TG: variants seen among roughly 807,000 people sequenced by gnomAD.
The protein encoded by TG is thyroid hormones.
Under a neutral mutation model 324.7 loss-of-function variants are expected in TG, and 270 were observed. That is an observed-to-expected ratio of 0.83 (90% CI 0.75 to 0.92). The LOEUF (loss-of-function observed/expected upper bound fraction) is 0.92. Ranked by LOEUF, TG falls within the 40% of genes least tolerant of loss-of-function variation. TG has a pLI of 0.00. For missense variants in TG, 3,591 were observed against 3,456.4 expected (o/e 1.04, Z -0.98); for synonymous variants, 1,401 against 1,327.0 (o/e 1.06, Z -1.21).
rs537017397 is a variant in TG, at chr8:133,128,067, TCTATCACTTGATAGATACCTAC to T, written c.7863-3739_7863-3718del. 4.6e-3 allele frequency among the ~76,000 whole-genome samples: 701 copies of T among 152,272 alleles called. 4 individuals carry two copies. The highest frequency in any genetic ancestry group is 8.3e-3 in the Admixed American group (127 of 15,304). On this transcript the variant is annotated intron_variant, in intron 45 of 47. Transcript: ENST00000220616. ...CTTCTTATGGTAGTTGGTAAGTAATTCTATCACTTGATAGATACCTACCTATCTATCGTACAACTCACAACAT... is the reference window on the plus strand; with the variant it reads ...CTTCTTATGGTAGTTGGTAAGTAATTCTATCTATCGTACAACTCACAACAT...
chr8:132,981,616 A>T (rs569064765), intron 34 of TG, among the ~76,000 whole-genome samples: 30 of 152,316 alleles, frequency 2.0e-4, no homozygotes, highest in Non-Finnish European at 3.5e-4. Context: ...ACGTGAGATG[A>T]CAGAAGCCTT....
chr8:133,038,578 A>T (rs749594232), intron 41 of TG: 2 of 1,614,020 alleles, frequency 1.2e-6, no homozygotes, highest in African/African-American at 2.7e-5. Context: ...TCTTGCTGCC[A>T]CCATACATCA....
intron 37 of TG, among the ~76,000 whole-genome samples, chr8:133,014,811 G>A (rs1834871401): frequency 1.3e-5 from 2 of 152,202 alleles, no homozygotes; most frequent in South Asian, 4.1e-4. Flanking sequence ...TTGATCGCTA[G>A]GTGATGAGCT....
intron 3 of TG, among the ~76,000 whole-genome samples, chr8:132,870,666 C>A (rs115383812): frequency 0.048 from 7,325 of 151,934 alleles, 431 homozygotes; most frequent in African/African-American, 0.14. Flanking sequence ...CAGGCTGTGC[C>A]GAAGCATGCC....
At chr8:133,074,715 G>T (rs1844603101) in intron 41 of TG, 1 of 299,220 alleles carries the variant, frequency 3.3e-6, no homozygotes, top group Non-Finnish European at 4.9e-6. Context: ...TTGGGGGCTG[G>T]GCTTCTCTCA....
chr8:132,895,909 C>A (rs965715397), intron 11 of TG, among the ~76,000 whole-genome samples: 1 of 152,226 alleles, frequency 6.6e-6, no homozygotes, highest in Non-Finnish European at 1.5e-5. Flanking sequence ...CTCCAAGTAG[C>A]CACATGCTCC....
At chr8:132,975,512 C>A (rs987504315) in intron 34 of TG, among the ~76,000 whole-genome samples, 1 of 152,134 alleles carries the variant, frequency 6.6e-6, no homozygotes, top group Admixed American at 6.5e-5. Flanking sequence ...GGACTCGACT[C>A]AGGAGTTTTG....
chr8:133,090,428 G>A (rs1407985141), intron 41 of TG, among the ~76,000 whole-genome samples: 1 of 152,158 alleles, frequency 6.6e-6, no homozygotes, highest in Admixed American at 6.5e-5. Context: ...TCAAGAGAGT[G>A]AGCAAAAAAG....
chr8:132,938,554 T>C (rs2129830457), intron 25 of TG, among the ~76,000 whole-genome samples: 1 of 152,332 alleles, frequency 6.6e-6, no homozygotes, highest in Middle Eastern at 3.4e-3. Context: ...TAAGCACTTT[T>C]GTAGGCACTG....
In TG at chr8:132,917,654, G is replaced by A. The variant is rs563177179; in HGVS notation, c.4379-1722G>A. ...GACCATGGAAGGATTTTAAGCTGGA[G>A]AGAGAGAGGACCAGGTGCGGGCTTG... On this transcript the variant is annotated intron_variant, in intron 20 of 47. Transcript: ENST00000220616. Among the ~76,000 whole-genome samples, 9 of 152,052 alleles carry A rather than the reference G, an allele frequency of 5.9e-5. 1 individual carries two copies. In the South Asian group the frequency reaches 1.9e-3, roughly 32 times the overall value.
chr8:133,043,457 G>T (rs1348113970), intron 41 of TG, among the ~76,000 whole-genome samples: 3 of 152,204 alleles, frequency 2.0e-5, no homozygotes, highest in Non-Finnish European at 4.4e-5. Flanking sequence ...TGGCTGCTAA[G>T]TTTTCGGATA....
At chr8:132,982,162 T>G (rs1830944816) in intron 34 of TG, among the ~76,000 whole-genome samples, 2 of 152,230 alleles carry the variant, frequency 1.3e-5, no homozygotes, top group South Asian at 4.1e-4. Flanking sequence ...TGAGAGGCAC[T>G]GTTACTATGC....
At chr8:133,040,163 C>A (rs1419000424) in intron 41 of TG, 1 of 1,564,464 alleles carries the variant, frequency 6.4e-7, no homozygotes. Context: ...GGTCAGGGAC[C>A]CTGGGGACGC....
intron 41 of TG, among the ~76,000 whole-genome samples, chr8:133,044,717 T>A (rs963675984): frequency 6.6e-5 from 10 of 152,306 alleles, no homozygotes; most frequent in Admixed American, 3.3e-4. Context: ...TGGTTGCAGT[T>A]GTGAATTTAG....
At chr8:133,112,759 C>T (rs1489567079) in intron 43 of TG, among the ~76,000 whole-genome samples, 4 of 152,132 alleles carry the variant, frequency 2.6e-5, no homozygotes, top group Non-Finnish European at 5.9e-5. Context: ...CCATATCCTT[C>T]GTATATGGCC....
At chr8:133,009,821 C>T (rs546017449) in intron 35 of TG, among the ~76,000 whole-genome samples, 161 of 151,732 alleles carry the variant, frequency 1.1e-3, no homozygotes, top group African/African-American at 3.8e-3. Flanking sequence ...GTTGGCCCCC[C>T]GCTTTCAAAC....
At chr8:133,022,224 C>T (rs1274064829) in intron 40 of TG, 74 bp downstream of exon 40, 4 of 1,588,444 alleles carry the variant, frequency 2.5e-6, no homozygotes, top group Admixed American at 1.7e-5. Flanking sequence ...AAGACCCATC[C>T]CCTCACTGCC....
chr8:133,106,150 G>A (rs1005871520), intron 43 of TG, among the ~76,000 whole-genome samples: 1 of 152,156 alleles, frequency 6.6e-6, no homozygotes, highest in African/African-American at 2.4e-5. Flanking sequence ...GCCCAGCGAG[G>A]GGCTCCAGGG....
At chr8:132,899,968 C>T (rs1817679434) in intron 14 of TG, among the ~76,000 whole-genome samples, 1 of 152,212 alleles carries the variant, frequency 6.6e-6, no homozygotes, top group Non-Finnish European at 1.5e-5. Flanking sequence ...TGTTGCCCCA[C>T]TTTCCCTCTC....
Sources: gnomAD v4.1 joint callset for allele counts (sites outside exome capture counted in the v4.1 genomes callset) on GRCh38, gnomAD v4.1.1 for gene constraint, MANE v1.5 for transcripts, NCBI Gene and HGNC (gene_info 2026-07-23, HGNC 2026-07-21) for gene names.